Variants in RRM2 observed in about 807,000 individuals in gnomAD.
RRM2 encodes the protein ribonucleotide reductase regulatory subunit M2.
In RRM2, 6 loss-of-function variants were observed where a neutral mutation model predicts 45.9. The observed-to-expected ratio is 0.13, with a 90% CI of 0.07 to 0.26. RRM2 has a LOEUF of 0.26. RRM2 is among the 10% of genes least tolerant of loss of function. The probability of loss-of-function intolerance (pLI) is 1.00; values close to 1 mark genes in which losing one functional copy is unlikely to be tolerated. For synonymous variants in RRM2, 177 were observed against 173.0 expected, an observed-to-expected ratio of 1.02 and a Z score of -0.18; for missense variants, 343 against 489.5, an observed-to-expected ratio of 0.70 and a Z score of 2.82.
At chr2:10,141,915 C>T (rs1262592215) in exon 2 of RRM2, 4 of 1,578,182 alleles carry the variant, frequency 2.5e-6, no homozygotes, top group South Asian at 2.3e-5. Flanking sequence ...GACAGCACGC[C>T]AGTGAGGGAG....
intron 3 of RRM2, among the ~76,000 whole-genome samples, chr2:10,184,637 C>G (rs749423459): frequency 6.6e-6 from 1 of 152,220 alleles, no homozygotes; most frequent in Non-Finnish European, 1.5e-5. Context: ...GCCTCCCGGC[C>G]CCTTGTTCTC....
intron 3 of RRM2, among the ~76,000 whole-genome samples, chr2:10,186,573 G>A (rs1416242528): frequency 6.6e-6 from 1 of 152,204 alleles, no homozygotes; most frequent in African/African-American, 2.4e-5. Flanking sequence ...AGGAGCAGAC[G>A]CTGAGACCAG....
chr2:10,172,437 T>G lies in RRM2; in HGVS notation n.482+30062T>G, dbSNP rs1453732809. ...TCTCCGTCAGTGATTTATAGGAAGCTGGCTCAACCGAGAGCTGAGGGAAGA... is the reference window on the plus strand; with the variant it reads ...TCTCCGTCAGTGATTTATAGGAAGCGGGCTCAACCGAGAGCTGAGGGAAGA... On this transcript the variant is annotated intron_variant and non_coding_transcript_variant, in intron 3 of 3. Coordinates refer to the RRM2 transcript ENST00000381786. This position sits in a 1 kb window ranked among gnomAD's most constrained non-coding sequence, Gnocchi z 4.9. 6.6e-6 allele frequency among the ~76,000 whole-genome samples: 1 copy of G among 152,180 alleles called. No homozygotes were observed. The highest frequency in any genetic ancestry group is 2.4e-5 in the African/African-American group (1 of 41,450).
Position 10,158,240 on chromosome 2 carries a change from C to A in RRM2, n.482+15865C>A, listed in dbSNP as rs369410337. Among the ~76,000 whole-genome samples, 12 of 152,294 alleles carry A rather than the reference C, an allele frequency of 7.9e-5. 2 individuals carry two copies. The highest frequency in any genetic ancestry group is 1.9e-4 in the East Asian group (1 of 5,182). On this transcript the variant is annotated intron_variant and non_coding_transcript_variant, in intron 3 of 3. Transcript: ENST00000381786. The stretch of plus-strand genomic sequence containing the variant: ...TACGAAATGGGTGTCAGTAGAGCTC[C>A]GCAGATTGTTGAGTGGGTGAGGGGG...
chr2:10,123,849 C>G lies in RRM2; in HGVS notation c.432C>G (p.Asn144Lys). ...CAAGCGATGGCATAGTAAATGAAAACTTGGTGAGTTTCCAAAACATCTTTC... is the reference window on the plus strand; with the variant it reads ...CAAGCGATGGCATAGTAAATGAAAAGTTGGTGAGTTTCCAAAACATCTTTC... The part of the protein sequence containing the change: ...FAASDGIVNE[N>K]LVERFSQEVQ... Residue 144 changes from asparagine to lysine, a missense_variant, in exon 4 of 10, where the codon AAC becomes AAG. This residue lies in a region of RRM2 where 212 missense variants were observed against 368.1 expected (regional missense o/e 0.58). Transcript: ENST00000304567. 6.5e-7 allele frequency: 1 copy of G among 1,540,774 alleles called. No homozygotes were observed. Among genetic ancestry groups the G allele is most frequent in the Non-Finnish European group, 9.0e-7 (1 of 1,113,662 alleles).
downstream of RRM2, among the ~76,000 whole-genome samples, chr2:10,134,131 T>C (rs1662948924): frequency 7.1e-6 from 1 of 141,262 alleles, no homozygotes; most frequent in Non-Finnish European, 1.5e-5. Flanking sequence ...TGAGCTGAGA[T>C]TGCACTCCAG....
At chr2:10,190,158 G>C (rs1003447406) in intron 3 of RRM2, among the ~76,000 whole-genome samples, 3 of 129,122 alleles carry the variant, frequency 2.3e-5, no homozygotes, top group African/African-American at 7.6e-5. Flanking sequence ...GGTGGTATTG[G>C]TGGTGATGGT....
intron 3 of RRM2, among the ~76,000 whole-genome samples, chr2:10,167,758 A>G (rs1011060218): frequency 7.9e-5 from 12 of 152,126 alleles, no homozygotes; most frequent in African/African-American, 2.4e-4. Context: ...GCAGAGACCT[A>G]TGGCCTGCCT....
chr2:10,124,621 T>C, intron 4 of RRM2, 96 bp from the exon 5 acceptor site: 1 of 1,352,964 alleles, frequency 7.4e-7, no homozygotes, highest in Non-Finnish European at 1.0e-6. Flanking sequence ...AAATAAACCT[T>C]ATAATGGTAC....
intron 3 of RRM2, among the ~76,000 whole-genome samples, chr2:10,192,413 A>G (rs13392520): frequency 0.33 from 50,132 of 152,030 alleles, 8,419 homozygotes; most frequent in South Asian, 0.48. Flanking sequence ...ACCTCTCCCT[A>G]CAGCAGCTCG....
At chr2:10,159,862 G>A (rs967483133) in intron 3 of RRM2, among the ~76,000 whole-genome samples, 7 of 152,194 alleles carry the variant, frequency 4.6e-5, no homozygotes, top group African/African-American at 1.7e-4. Context: ...GTAGCCTCAC[G>A]ATTGTGCTTT....
intron 5 of RRM2, 66 bp downstream of exon 5, chr2:10,124,916 T>TA: frequency 2.1e-6 from 3 of 1,450,338 alleles, no homozygotes; most frequent in Non-Finnish European, 9.4e-7. Flanking sequence ...TACACATTTT[T>TA]AGTTCACCTA....
At chr2:10,182,061 T>C (rs886775169) in intron 3 of RRM2, among the ~76,000 whole-genome samples, 200 of 152,244 alleles carry the variant, frequency 1.3e-3, no homozygotes, top group African/African-American at 4.7e-3. Context: ...CCACTGTGCC[T>C]GGCTCTTTTT....
chr2:10,184,003 G>C (rs987327758), intron 3 of RRM2, among the ~76,000 whole-genome samples: 1 of 139,936 alleles, frequency 7.1e-6, no homozygotes, highest in Non-Finnish European at 1.5e-5. Context: ...TGAGGCAGGA[G>C]AATGGCGTGA....
rs778448816 is a variant in RRM2 at position 10,129,001 on chromosome 2, G to A, written c.904-40G>A. Reference sequence around the variant, plus strand: ...CACTCAAGCTTGCTAGAAAATGCCTGTGCTTTAGTTGTATTCAGAAGCTGT... The same window carrying A: ...CACTCAAGCTTGCTAGAAAATGCCTATGCTTTAGTTGTATTCAGAAGCTGT... On this transcript the variant is annotated intron_variant, in intron 8 of 9. Transcript: ENST00000304567. The surrounding 1 kb of genome is among the most constrained non-coding windows in gnomAD (Gnocchi z 4.8). 1.2e-6 allele frequency: 2 copies of A among 1,609,728 alleles called. No homozygotes were observed. The highest frequency in any genetic ancestry group is 1.7e-6 in the Non-Finnish European group (2 of 1,176,030).
At chr2:10,143,595 G>T (rs565590353) in intron 3 of RRM2, among the ~76,000 whole-genome samples, 2 of 152,324 alleles carry the variant, frequency 1.3e-5, no homozygotes, top group African/African-American at 4.8e-5. Flanking sequence ...GTTGCACTGG[G>T]GGGGCCTGGT....
chr2:10,123,660 G>A, intron 3 of RRM2, 76 bp from the exon 4 acceptor site: 1 of 1,409,292 alleles, frequency 7.1e-7, no homozygotes, highest in Non-Finnish European at 9.9e-7. Flanking sequence ...CATACTTAAA[G>A]TTTGAGTGCT....
In RRM2 at chr2:10,167,686, C is replaced by T. The variant is rs138840859; in HGVS notation, n.482+25311C>T. Reference sequence around the variant, plus strand: ...GGAAGTGGAGAGGTGGGATCAGGGCCGATGTCCCCAGCCTGGGTGGCAGTG... The same window carrying T: ...GGAAGTGGAGAGGTGGGATCAGGGCTGATGTCCCCAGCCTGGGTGGCAGTG... On this transcript the variant is annotated intron_variant and non_coding_transcript_variant, in intron 3 of 3. Transcript: ENST00000381786. Among the ~76,000 whole-genome samples, 113 of 152,246 alleles carry T rather than the reference C, an allele frequency of 7.4e-4. 1 individual carries two copies. The Middle Eastern group carries it at 0.01, about 14-fold the overall frequency.
intron 3 of RRM2, among the ~76,000 whole-genome samples, chr2:10,143,767 A>C (rs1030636371): frequency 1.3e-5 from 2 of 152,088 alleles, no homozygotes; most frequent in African/African-American, 4.8e-5. Flanking sequence ...TCCTGGGTTC[A>C]AGCAATTCTC....
Sources: gnomAD v4.1 joint callset for allele counts (sites outside exome capture counted in the v4.1 genomes callset) on GRCh38, gnomAD v4.1.1 for gene constraint, gnomAD v4.1.1 regional missense constraint, Gnocchi (gnomAD v3.1) non-coding constraint, MANE v1.5 for transcripts, NCBI Gene and HGNC (gene_info 2026-07-23, HGNC 2026-07-21) for gene names.